The following DEPDC4 variants were observed in gnomAD, a reference collection of about 807,000 sequenced individuals.
The protein encoded by DEPDC4 is DEP domain containing 4, also known as DEP domain-containing protein 4.
Under a neutral mutation model 52.0 loss-of-function variants are expected in DEPDC4, and 52 were observed. The ratio of observed to expected loss-of-function variants is 1.00; its 90% CI spans 0.80 to 1.26. The LOEUF (loss-of-function observed/expected upper bound fraction) is 1.26, where lower values mean the gene tolerates loss of function less well. DEPDC4 is among the 50% of genes most tolerant of loss of function. The probability of loss-of-function intolerance (pLI) is 0.00; values close to 1 mark genes in which losing one functional copy is unlikely to be tolerated. For synonymous variants in DEPDC4, 201 were observed against 196.8 expected (o/e 1.02, Z -0.18); for missense variants, 530 against 546.9 (o/e 0.97, Z 0.31).
At chr12:100,254,425 A>C (rs1199517865) in intron 4 of DEPDC4, among the ~76,000 whole-genome samples, 1 of 147,962 alleles carries the variant, frequency 6.8e-6, no homozygotes, top group African/African-American at 2.5e-5. Context: ...TCCTGGGCTC[A>C]AGCAATCCTC....
Position 100,263,562 on chromosome 12 carries a change from AT to A in DEPDC4, c.488del (p.Asn163IlefsTer22). On this transcript the variant is annotated frameshift_variant, in exon 2 of 10. Coordinates refer to ENST00000550587, the MANE Select transcript of DEPDC4 (RefSeq NM_001364818.2). LOFTEE classifies it high-confidence loss of function. ...TTTTGCAACAATCGTAAGATGATTTATTGCCTAGAAACCTGTAGAGACTAAT... is the reference window on the plus strand; with the variant it reads ...TTTTGCAACAATCGTAAGATGATTTATGCCTAGAAACCTGTAGAGACTAAT... ...SNISLYRFLG[N>X]KSSYDCCKRQ... 1 of 1,609,404 alleles carries A rather than the reference AT, an allele frequency of 6.2e-7. No individual in the cohort carries two copies. The highest frequency in any genetic ancestry group is 1.1e-5 in the South Asian group (1 of 89,730).
chr12:100,268,086 A>G (rs1028502795), upstream of DEPDC4, among the ~76,000 whole-genome samples: 4 of 152,224 alleles, frequency 2.6e-5, no homozygotes, highest in South Asian at 6.2e-4. Flanking sequence ...TAAGGAGGCC[A>G]TATTATCAAA....
At chr12:100,280,604 A>T in the DEPDC4 span, among the ~76,000 whole-genome samples, 1 of 152,188 alleles carries the variant, frequency 6.6e-6, no homozygotes, top group Non-Finnish European at 1.5e-5. Context: ...CAAAGGAGAA[A>T]AGTTAAGCCT....
At chr12:100,238,056 C>T (rs1172632437), downstream of DEPDC4, 9 of 983,990 alleles carry the variant, frequency 9.1e-6, no homozygotes, top group Non-Finnish European at 1.1e-5. Flanking sequence ...CAATATTTTC[C>T]CGGTATCTCT....
At chr12:100,250,648 G>A (rs778253845) in intron 7 of DEPDC4, among the ~76,000 whole-genome samples, 4 of 152,142 alleles carry the variant, frequency 2.6e-5, no homozygotes, top group African/African-American at 9.7e-5. Flanking sequence ...TGTAGAGGAG[G>A]GGGTAGAGTG....
chr12:100,235,519 C>T (rs1169076315), downstream of DEPDC4, among the ~76,000 whole-genome samples: 2 of 151,876 alleles, frequency 1.3e-5, no homozygotes, highest in African/African-American at 2.4e-5. Flanking sequence ...AGCCTTTTAT[C>T]CCTTACCCCT....
upstream of DEPDC4, chr12:100,267,119 C>T (rs531999107): frequency 6.3e-7 from 1 of 1,593,906 alleles, no homozygotes; most frequent in African/African-American, 1.3e-5. Flanking sequence ...GAAGTACTGG[C>T]TCCGCCTCTT....
At chr12:100,262,153 C>A (rs1186652754) in intron 3 of DEPDC4, 111 bp downstream of exon 3, 2 of 1,053,328 alleles carry the variant, frequency 1.9e-6, no homozygotes, top group Non-Finnish European at 2.7e-6. Context: ...TATGTGGGAA[C>A]TGTACTTTCT....
At chr12:100,274,750 G>GCAAATCAATTTTAGGA in the DEPDC4 span, among the ~76,000 whole-genome samples, 1 of 152,196 alleles carries the variant, frequency 6.6e-6, no homozygotes, top group Non-Finnish European at 1.5e-5. Flanking sequence ...AAATCTTCAG[G>GCAAATCAATTTTAGGA]ACATAGACTT....
At chr12:100,266,449 TTCC>T (rs1305500195) in intron 1 of DEPDC4, among the ~76,000 whole-genome samples, 4 of 152,098 alleles carry the variant, frequency 2.6e-5, no homozygotes, top group Non-Finnish European at 5.9e-5. Flanking sequence ...ACAGCCTGTT[TTCC>T]ATAGACAGTC....
At chr12:100,281,833 CAAAAAA>C in the DEPDC4 span, among the ~76,000 whole-genome samples, 1 of 59,364 alleles carries the variant, frequency 1.7e-5, no homozygotes, top group Admixed American at 1.9e-4. Flanking sequence ...GACTCCGTCT[CAAAAAA>C]AAAAAAAAAA....
chr12:100,242,324 C>CT (rs746693169), intron 9 of DEPDC4, among the ~76,000 whole-genome samples, 162 bp downstream of exon 9: 12,338 of 95,932 alleles, frequency 0.13, 737 homozygotes, highest in Middle Eastern at 0.21. Flanking sequence ...ACTATGAGGG[C>CT]TTTTTTTTTT....
chr12:100,246,110 C>G (rs1293105747), intron 8 of DEPDC4, among the ~76,000 whole-genome samples: 3 of 150,058 alleles, frequency 2.0e-5, no homozygotes, highest in Non-Finnish European at 4.4e-5. Flanking sequence ...CAGGCATATG[C>G]CACTACGCCT....
the DEPDC4 span, among the ~76,000 whole-genome samples, chr12:100,274,855 C>T: frequency 2.0e-5 from 3 of 152,064 alleles, no homozygotes; most frequent in South Asian, 6.2e-4. Flanking sequence ...TGCCATAGAC[C>T]CTTTTGACAA....
At position 100,264,634 on chromosome 12, in the gene DEPDC4, G is replaced by A. The variant is rs561831969; in HGVS notation, c.158-741C>T. ...ATGGAGGTTGCAGTGAGCTGAAATC[G>A]CGCCACTGCACTCCAGCCTTGGTGA... On this transcript the variant is annotated intron_variant, in intron 1 of 9. Transcript: ENST00000550587. 5.3e-5 allele frequency among the ~76,000 whole-genome samples: 8 copies of A among 151,618 alleles called. No individual in the cohort carries two copies. In the South Asian group the frequency reaches 6.2e-4, roughly 12 times the overall value.
intron 3 of DEPDC4, among the ~76,000 whole-genome samples, chr12:100,261,089 G>C (rs1193032395): frequency 6.7e-6 from 1 of 148,690 alleles, no homozygotes; most frequent in African/African-American, 2.5e-5. Context: ...GCTGAGGCAG[G>C]AGAATCACTT....
downstream of DEPDC4, among the ~76,000 whole-genome samples, chr12:100,237,639 T>C (rs2096143511): frequency 6.6e-6 from 1 of 152,230 alleles, no homozygotes; most frequent in South Asian, 2.1e-4. Context: ...ACCCACTATT[T>C]ACAGATGGAC....
intron 9 of DEPDC4, among the ~76,000 whole-genome samples, chr12:100,233,491 C>T (rs1285262821): frequency 6.6e-6 from 1 of 152,162 alleles, no homozygotes; most frequent in African/African-American, 2.4e-5. Context: ...TACCTCTATA[C>T]ATTACTACGT....
At chr12:100,280,880 T>TA in the DEPDC4 span, among the ~76,000 whole-genome samples, 1 of 152,144 alleles carries the variant, frequency 6.6e-6, no homozygotes, top group African/African-American at 2.4e-5. Flanking sequence ...TACTGATCAT[T>TA]ATGCTTATTA....
Sources: gnomAD v4.1 joint callset for allele counts (sites outside exome capture counted in the v4.1 genomes callset) on GRCh38, gnomAD v4.1.1 for gene constraint, MANE v1.5 for transcripts, NCBI Gene and HGNC (gene_info 2026-07-23, HGNC 2026-07-21) for gene names.